ZNF808: variants seen among roughly 807,000 people sequenced by gnomAD.
The protein encoded by ZNF808 is zinc finger protein 808.
ZNF808 carries 5 observed loss-of-function variants against 8.7 expected under a neutral mutation model. The ratio of observed to expected loss-of-function variants is 0.58; its 90% CI spans 0.30 to 1.21. The LOEUF (loss-of-function observed/expected upper bound fraction) is 1.21. Among genes scored for constraint, ZNF808 ranks in the 50% most tolerant of loss-of-function variants. The pLI, the probability that ZNF808 is intolerant of heterozygous loss-of-function variation, is 0.07. For synonymous variants in ZNF808, 380 were observed against 366.0 expected, an observed-to-expected ratio of 1.04 and a Z score of -0.44; for missense variants, 1,103 against 1,098.4, an observed-to-expected ratio of 1.00 and a Z score of -0.06.
chr19:52,566,582 C>T (rs2059873520), downstream of ZNF808, among the ~76,000 whole-genome samples: 1 of 152,164 alleles, frequency 6.6e-6, no homozygotes. Context: ...TAATATTTCA[C>T]TTAGTATTGC....
At chr19:52,538,975 A>G (rs1232262994) in intron 2 of ZNF808, among the ~76,000 whole-genome samples, 1 of 151,900 alleles carries the variant, frequency 6.6e-6, no homozygotes, top group East Asian at 1.9e-4. Flanking sequence ...TCCCTCTGCA[A>G]CCCCTCTTCA....
chr19:52,551,377 G>A (rs2059774964), intron 4 of ZNF808, among the ~76,000 whole-genome samples: 2 of 151,180 alleles, frequency 1.3e-5, no homozygotes, highest in South Asian at 2.1e-4. Flanking sequence ...AAAAAAGTTA[G>A]CCAGGCATGG....
chr19:52,531,358 T>C (rs2059560361), intron 1 of ZNF808, among the ~76,000 whole-genome samples: 1 of 149,574 alleles, frequency 6.7e-6, no homozygotes, highest in Non-Finnish European at 1.5e-5. Flanking sequence ...GGCTGTAATC[T>C]CAGCTACTCG....
intron 1 of ZNF808, among the ~76,000 whole-genome samples, chr19:52,529,214 C>CAA (rs5828510): frequency 6.9e-4 from 88 of 127,480 alleles, no homozygotes; most frequent in African/African-American, 2.4e-3. Flanking sequence ...CTATCTCTGC[C>CAA]AAAAAAAAAA....
chr19:52,565,108 T>A (rs183798740), downstream of ZNF808, among the ~76,000 whole-genome samples: 539 of 151,586 alleles, frequency 3.6e-3, 3 homozygotes, highest in Non-Finnish European at 6.3e-3. Flanking sequence ...AATAAATAAA[T>A]AAAAATACAA....
At chr19:52,534,519 G>A (rs772351361) in intron 2 of ZNF808, among the ~76,000 whole-genome samples, 9 of 151,962 alleles carry the variant, frequency 5.9e-5, no homozygotes, top group Non-Finnish European at 7.4e-5. Flanking sequence ...TATTATCGTC[G>A]TGGAGATGAT....
intron 2 of ZNF808, among the ~76,000 whole-genome samples, chr19:52,537,118 G>T (rs777779205): frequency 5.3e-5 from 8 of 152,044 alleles, no homozygotes; most frequent in Non-Finnish European, 1.0e-4. Flanking sequence ...CTTGGGAGGC[G>T]GAGGTTGCGG....
chr19:52,533,086 G>A (rs417599), intron 2 of ZNF808, 77 bp downstream of exon 2: 52,247 of 151,970 alleles, frequency 0.34, 10,251 homozygotes, highest in African/African-American at 0.52. Context: ...AATTAAAGAA[G>A]GAGATTTTCT....
Position 52,555,519 on chromosome 19 carries a change from T to A in ZNF808, c.2603T>A (p.Ile868Asn). The A allele has an allele frequency of 6.2e-7, 1 of 1,614,096 alleles. No individual in the cohort carries two copies. Among genetic ancestry groups the A allele is most frequent in the Non-Finnish European group, 8.5e-7 (1 of 1,180,022 alleles). ...TCACACCTTAAAAGACATAGGATAA[T>A]TCATACTGGAGAGAAACCTTACAAG... ...RKSHLKRHRI[I>N]HTGEKPYKCN... is the part of the protein sequence containing the mutation. Residue 868 changes from isoleucine to asparagine, a missense_variant, in exon 5 of 5, where the codon ATT (isoleucine) becomes AAT (asparagine). Coordinates refer to ENST00000359798, the MANE Select transcript of ZNF808 (RefSeq NM_001039886.4).
intron 4 of ZNF808, 83 bp from the exon 5 acceptor site, chr19:52,553,024 G>A: frequency 2.8e-6 from 4 of 1,420,024 alleles, no homozygotes; most frequent in Non-Finnish European, 3.7e-6. Context: ...AATAAGTATT[G>A]TTTTTTGTGT....
At chr19:52,528,308 C>T (rs1055017559) in intron 1 of ZNF808, among the ~76,000 whole-genome samples, 2 of 152,188 alleles carry the variant, frequency 1.3e-5, no homozygotes, top group African/African-American at 4.8e-5. Context: ...CGAGCTCCAG[C>T]CCTTGGAAAA....
At chr19:52,563,999 A>C (rs558012883) in exon 4 of ZNF808, 1 of 432,626 alleles carries the variant, frequency 2.3e-6, no homozygotes, top group South Asian at 1.9e-5. Context: ...TCTGTCTAAA[A>C]CAAACAAACA....
intron 3 of ZNF808, among the ~76,000 whole-genome samples, chr19:52,544,048 A>G (rs1230637765): frequency 6.6e-6 from 1 of 152,094 alleles, no homozygotes; most frequent in Non-Finnish European, 1.5e-5. Flanking sequence ...AATCTCAGCT[A>G]CTCAGGAGGC....
At chr19:52,567,486 T>A (rs503230), downstream of ZNF808, among the ~76,000 whole-genome samples, 3,816 of 37,106 alleles carry the variant, frequency 0.1, 75 homozygotes, top group African/African-American at 0.21. Context: ...AGCTGTATTT[T>A]TTATTATTAT....
chr19:52,552,973 T>C, intron 4 of ZNF808, 134 bp from the exon 5 acceptor site: 1 of 1,299,306 alleles, frequency 7.7e-7, no homozygotes, highest in African/African-American at 1.5e-5. Flanking sequence ...CTCACTCTTT[T>C]TGTGTTCCTA....
At chr19:52,531,828 C>T (rs1192380081) in intron 1 of ZNF808, among the ~76,000 whole-genome samples, 2 of 152,200 alleles carry the variant, frequency 1.3e-5, no homozygotes, top group Middle Eastern at 3.4e-3. Context: ...TGTTATGTAA[C>T]TGTACTTGTG....
At position 52,553,424 on chromosome 19, in the gene ZNF808, T is replaced by C; in HGVS notation, c.508T>C (p.Phe170Leu). 1.9e-6 allele frequency: 3 copies of C among 1,614,154 alleles called. No homozygotes were observed. Among genetic ancestry groups the C allele is most frequent in the Non-Finnish European group, 2.5e-6 (3 of 1,180,016 alleles). Residue 170 changes from phenylalanine (F) to leucine (L), a missense_variant, in exon 5 of 5, where the codon TTT becomes CTT. Coordinates refer to ENST00000359798, the MANE Select transcript of ZNF808 (RefSeq NM_001039886.4). ...FYSHLPELHI[F>L]QIKGEIANQL... ...TTCACATCTGCCTGAACTCCACATATTTCAGATCAAAGGTGAAATTGCTAA... is the reference window on the plus strand; with the variant it reads ...TTCACATCTGCCTGAACTCCACATACTTCAGATCAAAGGTGAAATTGCTAA...
downstream of ZNF808, among the ~76,000 whole-genome samples, chr19:52,561,041 G>A (rs935699573): frequency 2.6e-5 from 4 of 151,924 alleles, no homozygotes; most frequent in African/African-American, 4.8e-5. Context: ...TGTGTGCAGG[G>A]CATCATGACT....
intron 1 of ZNF808, among the ~76,000 whole-genome samples, chr19:52,528,387 GAGAC>G (rs1438746005): frequency 1.3e-5 from 2 of 152,222 alleles, no homozygotes; most frequent in African/African-American, 2.4e-5. Context: ...AAGGGATCAG[GAGAC>G]AGACAGCAGT....
Sources: gnomAD v4.1 joint callset for allele counts (sites outside exome capture counted in the v4.1 genomes callset) on GRCh38, gnomAD v4.1.1 for gene constraint, MANE v1.5 for transcripts, NCBI Gene and HGNC (gene_info 2026-07-23, HGNC 2026-07-21) for gene names.